ANK3: variants seen among roughly 807,000 people sequenced by gnomAD.
ANK3 encodes ankyrin-3.
ANK3 carries 57 observed loss-of-function variants against 370.9 expected under a neutral mutation model. The observed-to-expected ratio is 0.15, with a 90% confidence interval of 0.12 to 0.19. The LOEUF (loss-of-function observed/expected upper bound fraction) is 0.19, where lower values mean the gene tolerates loss of function less well. ANK3 is among the 10% of genes least tolerant of loss of function. The pLI, the probability that ANK3 is intolerant of heterozygous loss-of-function variation, is 1.00. For synonymous variants in ANK3, 1,929 were observed against 1,946.3 expected, an observed-to-expected ratio of 0.99 and a Z score of 0.23; for missense variants, 4,439 against 5,302.1, an observed-to-expected ratio of 0.84 and a Z score of 5.06.
At chr10:60,234,398 T>G (rs2097298082) in intron 8 of ANK3, among the ~76,000 whole-genome samples, 1 of 152,240 alleles carries the variant, frequency 6.6e-6, no homozygotes, top group South Asian at 2.1e-4. Context: ...CTTGCAGTTT[T>G]AGTATCAAAC....
At position 60,029,839 on chromosome 10, in the gene ANK3, A is replaced by G. The variant is rs374893405; in HGVS notation, c.*20-13T>C. On this transcript the variant is annotated splice_polypyrimidine_tract_variant and intron_variant, in intron 43 of 43. Transcript: ENST00000280772. ...AAAACTTATGATCCTGTGGAAAGAGACAGTAGATAGTGAGTTTAGCTTTCT... is the reference window on the plus strand; with the variant it reads ...AAAACTTATGATCCTGTGGAAAGAGGCAGTAGATAGTGAGTTTAGCTTTCT... The G allele has an allele frequency of 6.8e-6, 1 of 146,142 alleles. No homozygotes were observed. Among genetic ancestry groups the G allele is most frequent in the African/African-American group, 2.6e-5 (1 of 38,610 alleles). 9.1% of individuals were successfully genotyped at this position (146,142 alleles called of 1,614,324 possible).
At chr10:60,168,128 C>T (rs981432106) in intron 21 of ANK3, among the ~76,000 whole-genome samples, 3 of 152,160 alleles carry the variant, frequency 2.0e-5, no homozygotes, top group East Asian at 1.9e-4. Context: ...CAGGTTCAAG[C>T]GATTCTCTTG....
chr10:60,396,718 A>G (rs1458106214), intron 2 of ANK3, among the ~76,000 whole-genome samples: 1 of 152,208 alleles, frequency 6.6e-6, no homozygotes, highest in East Asian at 1.9e-4. Context: ...TATAGTAATT[A>G]TATTTAAGCT....
At chr10:60,124,338 AT>A (rs139900877) in intron 25 of ANK3, among the ~76,000 whole-genome samples, 4 of 150,080 alleles carry the variant, frequency 2.7e-5, no homozygotes, top group Admixed American at 6.6e-5. Flanking sequence ...ATTTTATTTT[AT>A]TTTTTTTTGT....
chr10:60,261,079 A>G (rs751406217), intron 7 of ANK3, among the ~76,000 whole-genome samples: 1 of 152,198 alleles, frequency 6.6e-6, no homozygotes, highest in Admixed American at 6.5e-5. Context: ...ATTTAATTTC[A>G]TAATTCATAT....
intron 8 of ANK3, among the ~76,000 whole-genome samples, chr10:60,214,492 C>A (rs892743172): frequency 2.0e-5 from 3 of 152,016 alleles, no homozygotes; most frequent in African/African-American, 7.2e-5. Context: ...ATTGACCCAT[C>A]CTCTAAGTTC....
upstream of ANK3, among the ~76,000 whole-genome samples, chr10:60,391,995 T>C (rs552656177): frequency 7.4e-4 from 113 of 152,336 alleles, no homozygotes; most frequent in African/African-American, 2.6e-3. Context: ...TGTGATCTTT[T>C]ATCTTCCATT....
In ANK3 at chr10:60,069,656, G is replaced by C; in HGVS notation, c.11225C>G (p.Thr3742Arg). 6.2e-7 allele frequency: 1 copy of C among 1,613,990 alleles called. No homozygotes were observed. Among genetic ancestry groups the C allele is most frequent in the Non-Finnish European group, 8.5e-7 (1 of 1,179,956 alleles). The change falls in exon 37 of 44, where the codon ACA (threonine) becomes AGA (arginine). Residue 3742 changes from threonine (T) to arginine (R), a missense_variant. Thr to Arg is a moderately conservative substitution (Grantham distance 71). Transcript: ENST00000280772. ...TMKKEGPGEITDKIEAVMTSC... is the reference protein window; with the variant it reads ...TMKKEGPGEIRDKIEAVMTSC... ...GGTCATCACCGCTTCTATCTTATCT[G>C]TTATTTCTCCAGGGCCTTCTTTCTT...
At chr10:60,414,003 A>C (rs993822745) in intron 2 of ANK3, among the ~76,000 whole-genome samples, 2 of 152,184 alleles carry the variant, frequency 1.3e-5, no homozygotes, top group African/African-American at 4.8e-5. Flanking sequence ...TCTCAAAAAC[A>C]AACAGAAAAA....
chr10:60,317,652 A>G (rs2047720175), intron 1 of ANK3, among the ~76,000 whole-genome samples: 1 of 152,172 alleles, frequency 6.6e-6, no homozygotes, highest in Non-Finnish European at 1.5e-5. Context: ...GCCTGAAATA[A>G]CATCATCAGA....
At chr10:60,622,864 AT>A (rs1269358813) in intron 1 of ANK3, among the ~76,000 whole-genome samples, 4 of 152,280 alleles carry the variant, frequency 2.6e-5, no homozygotes, top group Admixed American at 1.3e-4. Flanking sequence ...ATTCTACAAA[AT>A]CCCTGATCTA....
intron 23 of ANK3, among the ~76,000 whole-genome samples, chr10:60,143,629 G>A (rs1046098599): frequency 6.6e-6 from 1 of 152,186 alleles, no homozygotes; most frequent in African/African-American, 2.4e-5. Context: ...TTTAGGCAAA[G>A]AGGATTTTGG....
chr10:60,485,213 T>A (rs951441829), intron 2 of ANK3, among the ~76,000 whole-genome samples: 1 of 152,166 alleles, frequency 6.6e-6, no homozygotes, highest in Non-Finnish European at 1.5e-5. Context: ...ATTCTTCCAG[T>A]TCTAACATCC....
At chr10:60,062,390 C>T (rs1331446227) in intron 40 of ANK3, 1 of 152,110 alleles carries the variant, frequency 6.6e-6, no homozygotes, top group Non-Finnish European at 1.5e-5. Context: ...GAAGAAAGCA[C>T]AATTTACATA....
chr10:60,479,052 T>A (rs764047547), intron 2 of ANK3, among the ~76,000 whole-genome samples: 1 of 152,142 alleles, frequency 6.6e-6, no homozygotes, highest in Non-Finnish European at 1.5e-5. Flanking sequence ...TACATGGAAC[T>A]AAAGCCTCTT....
chr10:60,450,023 C>T (rs2064555778), intron 2 of ANK3, among the ~76,000 whole-genome samples: 1 of 152,038 alleles, frequency 6.6e-6, no homozygotes, highest in African/African-American at 2.4e-5. Flanking sequence ...AGAGGCTGGG[C>T]ACAGTGACTC....
intron 42 of ANK3, among the ~76,000 whole-genome samples, chr10:60,047,309 G>A (rs1170122544): frequency 6.6e-6 from 1 of 152,020 alleles, no homozygotes; most frequent in Non-Finnish European, 1.5e-5. Flanking sequence ...CTTCCCTCTG[G>A]ACTCCTGCTA....
chr10:60,321,405 A>AAG (rs2048637339), intron 1 of ANK3, among the ~76,000 whole-genome samples: 1 of 109,326 alleles, frequency 9.1e-6, no homozygotes, highest in Admixed American at 1.2e-4. Context: ...AAGAGAAGAA[A>AAG]AGAAAAGAAA....
intron 1 of ANK3, among the ~76,000 whole-genome samples, chr10:60,731,919 CT>C (rs2080027985): frequency 6.6e-6 from 1 of 152,192 alleles, no homozygotes; most frequent in South Asian, 2.1e-4. Flanking sequence ...AAATCAGAAT[CT>C]AGGTAGCAAT....
Sources: gnomAD v4.1 joint callset for allele counts (sites outside exome capture counted in the v4.1 genomes callset) on GRCh38, gnomAD v4.1.1 for gene constraint, MANE v1.5 for transcripts, NCBI Gene and HGNC (gene_info 2026-07-23, HGNC 2026-07-21) for gene names.